Variants in IPO11 observed in about 807,000 individuals in gnomAD.
The protein encoded by IPO11 is importin-11.
IPO11 carries 66 observed loss-of-function variants against 143.2 expected under a neutral mutation model. The observed-to-expected ratio is 0.46, with a 90% CI of 0.38 to 0.57. IPO11 has a LOEUF of 0.57. IPO11 is among the 20% of genes least tolerant of loss of function. IPO11 has a pLI of 0.00. For synonymous variants in IPO11, 385 were observed against 377.8 expected, an observed-to-expected ratio of 1.02 and a Z score of -0.22; for missense variants, 1,026 against 1,141.0, an observed-to-expected ratio of 0.90 and a Z score of 1.45.
chr5:62,497,687 T>C (rs1402625075), intron 16 of IPO11, among the ~76,000 whole-genome samples: 5 of 152,222 alleles, frequency 3.3e-5, no homozygotes, highest in Admixed American at 2.6e-4. Flanking sequence ...CAGGCTGGTC[T>C]AGAACTCTGG....
At chr5:62,494,945 C>T (rs1403743922) in intron 16 of IPO11, among the ~76,000 whole-genome samples, 1 of 151,908 alleles carries the variant, frequency 6.6e-6, no homozygotes, top group Non-Finnish European at 1.5e-5. Flanking sequence ...AGTTTGAACC[C>T]ACCTGGTTTT....
chr5:62,567,313 G>A (rs1743977803), intron 27 of IPO11, among the ~76,000 whole-genome samples: 1 of 151,822 alleles, frequency 6.6e-6, no homozygotes, highest in African/African-American at 2.4e-5. Flanking sequence ...TATGTTACTG[G>A]TTTTATTGCT....
At chr5:62,611,983 A>G (rs2112466251) in intron 29 of IPO11, among the ~76,000 whole-genome samples, 1 of 152,324 alleles carries the variant, frequency 6.6e-6, no homozygotes, top group South Asian at 2.1e-4. Context: ...ATTTTTCATT[A>G]TAAAAGTAAC....
At chr5:62,569,940 A>T (rs1348918421) in intron 27 of IPO11, among the ~76,000 whole-genome samples, 2 of 152,198 alleles carry the variant, frequency 1.3e-5, no homozygotes, top group African/African-American at 2.4e-5. Context: ...ACTGGGAAAA[A>T]ACCCTTTGAT....
intron 24 of IPO11, among the ~76,000 whole-genome samples, chr5:62,540,830 T>C (rs1044878245): frequency 3.3e-5 from 5 of 152,248 alleles, no homozygotes; most frequent in Non-Finnish European, 7.3e-5. Flanking sequence ...TTTTATGTAA[T>C]ATATAGCTGT....
At chr5:62,513,562 C>T (rs1307308721) in intron 19 of IPO11, among the ~76,000 whole-genome samples, 9 of 145,416 alleles carry the variant, frequency 6.2e-5, no homozygotes, top group African/African-American at 7.6e-5. Flanking sequence ...ACCTCCCTCC[C>T]GGACGGGGCG....
intron 9 of IPO11, among the ~76,000 whole-genome samples, chr5:62,481,197 C>T (rs1461585657): frequency 6.6e-6 from 1 of 152,108 alleles, no homozygotes; most frequent in Admixed American, 6.5e-5. Flanking sequence ...GGATTACAGG[C>T]ATGAGCCACC....
intron 9 of IPO11, among the ~76,000 whole-genome samples, chr5:62,478,365 C>T (rs1318045087): frequency 6.6e-6 from 1 of 152,062 alleles, no homozygotes; most frequent in African/African-American, 2.4e-5. Flanking sequence ...TAGGGTTTTG[C>T]CATGTTGCCC....
At chr5:62,464,438 T>G (rs1186562269) in intron 5 of IPO11, among the ~76,000 whole-genome samples, 1 of 151,740 alleles carries the variant, frequency 6.6e-6, no homozygotes, top group Admixed American at 6.6e-5. Flanking sequence ...TGTGCCCAGC[T>G]GGTTATTTTT....
chr5:62,571,831 G>A (rs559219495), intron 27 of IPO11, among the ~76,000 whole-genome samples: 114 of 151,924 alleles, frequency 7.5e-4, no homozygotes, highest in Non-Finnish European at 1.0e-3. Flanking sequence ...GATCACAGGC[G>A]CACACCACCA....
chr5:62,479,747 C>T lies in IPO11; in HGVS notation c.828+2994C>T, dbSNP rs183393516. 4.0e-4 allele frequency among the ~76,000 whole-genome samples: 61 copies of T among 152,152 alleles called. 1 individual carries two copies. The highest frequency in any genetic ancestry group is 2.9e-3 in the East Asian group (15 of 5,184). On this transcript the variant is annotated intron_variant, in intron 9 of 29. Coordinates refer to ENST00000325324, the MANE Select transcript of IPO11 (RefSeq NM_016338.5). Reference sequence around the variant, plus strand: ...TGCATAAATGTCTTCTTTTGAGAAGCGTCTGTTCATGTCCTTTGCCCACTT... The same window carrying T: ...TGCATAAATGTCTTCTTTTGAGAAGTGTCTGTTCATGTCCTTTGCCCACTT...
intron 27 of IPO11, among the ~76,000 whole-genome samples, chr5:62,578,018 G>T (rs1419802290): frequency 6.6e-6 from 1 of 152,034 alleles, no homozygotes; most frequent in Non-Finnish European, 1.5e-5. Context: ...CTTGAAAAAT[G>T]ACGTTAAAAA....
At chr5:62,587,249 C>G (rs1744829843) in intron 27 of IPO11, among the ~76,000 whole-genome samples, 1 of 151,970 alleles carries the variant, frequency 6.6e-6, no homozygotes, top group Non-Finnish European at 1.5e-5. Flanking sequence ...TAGATAAAAG[C>G]CTTTGTAAGG....
intron 2 of IPO11, among the ~76,000 whole-genome samples, chr5:62,442,241 T>G (rs1313560408): frequency 6.6e-6 from 1 of 152,232 alleles, no homozygotes; most frequent in African/African-American, 2.4e-5. Context: ...CCTTGACTCC[T>G]TAGAATCTTT....
Position 62,487,815 on chromosome 5 carries a change from T to C in IPO11, c.1263T>C (p.Asn421=), listed in dbSNP as rs754505314. 1 of 1,609,532 alleles carries C rather than the reference T, an allele frequency of 6.2e-7. No homozygotes were observed. Among genetic ancestry groups the C allele is most frequent in the African/African-American group, 1.3e-5 (1 of 74,800 alleles). Residue 421 remains asparagine, a synonymous_variant, in exon 13 of 30, where the codon AAT becomes AAC. Transcript: ENST00000325324. ...TTATAGATATATTCCATGAATATAA[T>C]CAGACTCTTACTCCTGTACTTCTAG... ...VLFIDIFHEY[N]QTLTPVLLEM...
chr5:62,575,432 G>A (rs980899911), intron 27 of IPO11, among the ~76,000 whole-genome samples: 3 of 152,070 alleles, frequency 2.0e-5, no homozygotes, highest in Non-Finnish European at 4.4e-5. Context: ...TAGTTCTTGT[G>A]TTTTTGTAGT....
At chr5:62,591,515 A>C (rs1185864379) in intron 27 of IPO11, 62 bp from the exon 28 acceptor site, 17 of 989,480 alleles carry the variant, frequency 1.7e-5, no homozygotes, top group South Asian at 1.6e-4. Flanking sequence ...TTTAGGAAAA[A>C]AAAAACAAAA....
intron 1 of IPO11, among the ~76,000 whole-genome samples, chr5:62,414,245 C>G (rs1486565188): frequency 6.6e-6 from 1 of 152,180 alleles, no homozygotes; most frequent in Non-Finnish European, 1.5e-5. Flanking sequence ...AACCAGAATG[C>G]AGCATGATCC....
chr5:62,594,447 C>T (rs1745141426), intron 28 of IPO11, among the ~76,000 whole-genome samples: 2 of 152,154 alleles, frequency 1.3e-5, no homozygotes, highest in Non-Finnish European at 2.9e-5. Flanking sequence ...TACAGTGTCC[C>T]AGCTTGAAGC....
Sources: gnomAD v4.1 joint callset for allele counts (sites outside exome capture counted in the v4.1 genomes callset) on GRCh38, gnomAD v4.1.1 for gene constraint, MANE v1.5 for transcripts, NCBI Gene and HGNC (gene_info 2026-07-23, HGNC 2026-07-21) for gene names.